The following GATAD1 variants were observed in gnomAD, a reference collection of about 807,000 sequenced individuals.
GATAD1 encodes GATA zinc finger domain containing 1, also known as GATA zinc finger domain-containing protein 1.
A neutral mutation model predicts 26.5 loss-of-function variants in GATAD1; 12 were observed. That is an observed-to-expected ratio of 0.45 (90% CI 0.29 to 0.73). The LOEUF (loss-of-function observed/expected upper bound fraction) is 0.73. GATAD1 is among the 30% of genes least tolerant of loss of function. The probability of loss-of-function intolerance (pLI) is 0.10; values close to 1 mark genes in which losing one functional copy is unlikely to be tolerated. For synonymous variants in GATAD1, 129 were observed against 133.1 expected (o/e 0.97, Z 0.21); for missense variants, 266 against 342.1 (o/e 0.78, Z 1.75).
the GATAD1 span, among the ~76,000 whole-genome samples, chr7:92,465,618 CAA>C: frequency 7.3e-6 from 1 of 136,208 alleles, no homozygotes; most frequent in Admixed American, 7.3e-5. Flanking sequence ...AACTCCATCT[CAA>C]AAAAAAAAAG....
At chr7:92,478,962 G>A in the GATAD1 span, among the ~76,000 whole-genome samples, 3 of 152,056 alleles carry the variant, frequency 2.0e-5, no homozygotes, top group Non-Finnish European at 4.4e-5. Context: ...GGTTTTTTGC[G>A]GGGTACATGA....
chr7:92,469,393 A>G, the GATAD1 span: 1 of 771,612 alleles, frequency 1.3e-6, no homozygotes, highest in Non-Finnish European at 2.4e-6. Flanking sequence ...TAGTGCACCT[A>G]GCACTCCTGC....
the GATAD1 span, chr7:92,494,455 T>C: frequency 1.9e-6 from 3 of 1,612,436 alleles, no homozygotes; most frequent in Non-Finnish European, 2.5e-6. Flanking sequence ...CATTTTGTTA[T>C]AACATTCTAT....
At chr7:92,453,353 T>C (rs1260558403) in intron 3 of GATAD1, among the ~76,000 whole-genome samples, 1 of 152,170 alleles carries the variant, frequency 6.6e-6, no homozygotes, top group Non-Finnish European at 1.5e-5. Context: ...TCAACCATTA[T>C]GGGTGTTCAG....
chr7:92,472,317 A>C, the GATAD1 span: 1 of 152,148 alleles, frequency 6.6e-6, no homozygotes, highest in African/African-American at 2.4e-5. Context: ...AGATGTCCAC[A>C]CAGTAAGATC....
At chr7:92,493,831 T>G in the GATAD1 span, 1 of 193,230 alleles carries the variant, frequency 5.2e-6, no homozygotes, top group South Asian at 1.0e-4. Flanking sequence ...TGTCTATCTG[T>G]TCTTTCATTC....
rs75869278 is a variant in GATAD1, at chr7:92,457,181, A to T, written c.*619A>T. 1 of 148,610 alleles carries T rather than the reference A, an allele frequency of 6.7e-6. No individual in the cohort carries two copies. The highest frequency in any genetic ancestry group is 1.5e-5 in the Non-Finnish European group (1 of 67,492). 9.2% of individuals were successfully genotyped at this position (148,610 alleles called of 1,614,324 possible). On this transcript the variant is annotated 3_prime_UTR_variant, in exon 5 of 5. Transcript: ENST00000287957. ...TCTCGGAAAAAAAAAAAAAAAAAAA[A>T]GGCTGGGCACAGTGGCTCACGCCTT...
chr7:92,490,053 A>G, the GATAD1 span: 4 of 721,432 alleles, frequency 5.5e-6, no homozygotes, highest in Non-Finnish European at 9.5e-6. Context: ...ACTGAAATTA[A>G]GCAAGCTGAA....
At position 92,459,573 on chromosome 7, in the gene GATAD1, G is replaced by A. The variant is rs1007097247; in HGVS notation, c.*3011G>A. 3.9e-5 allele frequency: 6 copies of A among 152,086 alleles called. No individual in the cohort carries two copies. Among genetic ancestry groups the A allele is most frequent in the Admixed American group, 2.0e-4 (3 of 15,266 alleles). The allele number at this position is 152,086 out of a possible 1,614,324, so 9.4% of individuals were successfully genotyped here. The stretch of plus-strand genomic sequence containing the variant: ...CCAATTTTTCTGGCTCTGAGTCCTT[G>A]TTCATACTGTTCTCTCCAATTCTAC... On this transcript the variant is annotated 3_prime_UTR_variant, in exon 5 of 5. Coordinates refer to ENST00000287957, the MANE Select transcript of GATAD1 (RefSeq NM_021167.5).
chr7:92,495,582 T>C, the GATAD1 span, among the ~76,000 whole-genome samples: 10 of 152,178 alleles, frequency 6.6e-5, no homozygotes, highest in Non-Finnish European at 1.0e-4. Context: ...AGTTTTCAAA[T>C]GTATTGGCAT....
chr7:92,456,460 A>G lies in GATAD1; in HGVS notation c.708A>G (p.Pro236=). Residue 236 remains proline (P), a synonymous_variant, in exon 5 of 5, where the codon CCA becomes CCG. Transcript: ENST00000287957. The part of the protein sequence containing the change: ...PSEYFKSRSS[P]FPTVPTRPEK... ...AGTATTTCAAGTCACGGTCATCACC[A>G]TTTCCCACAGTTCCCACCAGACCAG... 6.2e-7 allele frequency: 1 copy of G among 1,612,350 alleles called. No homozygotes were observed. Among genetic ancestry groups the G allele is most frequent in the South Asian group, 1.1e-5 (1 of 91,048 alleles).
At chr7:92,460,776 C>CAAA (rs557542327), downstream of GATAD1, among the ~76,000 whole-genome samples, 16 of 63,086 alleles carry the variant, frequency 2.5e-4, no homozygotes, top group South Asian at 6.0e-4. Flanking sequence ...GACCTTCTCT[C>CAAA]AAAAAAAAAA....
chr7:92,454,543 T>A lies in GATAD1; in HGVS notation c.477T>A (p.Asp159Glu), dbSNP rs377491014. ...TTGGTGATGTTGTTTCTGTGATTGATGAACAAGATGGAAAGCCCTACTATG... is the reference window on the plus strand; with the variant it reads ...TTGGTGATGTTGTTTCTGTGATTGAAGAACAAGATGGAAAGCCCTACTATG... ...YQIGDVVSVI[D>E]EQDGKPYYAQ... Residue 159 changes from aspartate (D) to glutamate (E), a missense_variant, in exon 4 of 5, where the codon GAT becomes GAA. Transcript: ENST00000287957. The A allele has an allele frequency of 6.2e-7, 1 of 1,613,076 alleles. No homozygotes were observed. The highest frequency in any genetic ancestry group is 8.5e-7 in the Non-Finnish European group (1 of 1,179,056).
At chr7:92,464,243 T>C (rs1240920871), downstream of GATAD1, among the ~76,000 whole-genome samples, 1 of 152,148 alleles carries the variant, frequency 6.6e-6, no homozygotes. Context: ...TGATGTGAGG[T>C]GTGTGTTCTG....
chr7:92,454,415 G>A (rs1789577117), intron 3 of GATAD1, 87 bp from the exon 4 acceptor site: 1 of 990,492 alleles, frequency 1.0e-6, no homozygotes, highest in African/African-American at 1.6e-5. Context: ...TGACCACTTT[G>A]AAAACTTGCT....
chr7:92,491,473 T>G, the GATAD1 span: 1 of 1,612,366 alleles, frequency 6.2e-7, no homozygotes, highest in Non-Finnish European at 8.5e-7. Flanking sequence ...AAGACAGACT[T>G]AGGTCACTAT....
At chr7:92,450,027 T>G (rs1349089355) in intron 2 of GATAD1, 1 of 152,242 alleles carries the variant, frequency 6.6e-6, no homozygotes, top group African/African-American at 2.4e-5. Flanking sequence ...ATATGCACAT[T>G]TTTTTCCTTT....
the GATAD1 span, among the ~76,000 whole-genome samples, chr7:92,492,469 G>A: frequency 6.6e-6 from 1 of 152,140 alleles, no homozygotes; most frequent in Non-Finnish European, 1.5e-5. Context: ...ACCTGGCCAA[G>A]AATAACTTAC....
the GATAD1 span, among the ~76,000 whole-genome samples, chr7:92,478,962 G>T: frequency 4.6e-5 from 7 of 152,174 alleles, no homozygotes; most frequent in South Asian, 1.5e-3. Context: ...GGTTTTTTGC[G>T]GGGTACATGA....
Sources: gnomAD v4.1 joint callset for allele counts (sites outside exome capture counted in the v4.1 genomes callset) on GRCh38, gnomAD v4.1.1 for gene constraint, MANE v1.5 for transcripts, NCBI Gene and HGNC (gene_info 2026-07-23, HGNC 2026-07-21) for gene names.